Variants in LUZP2 observed in about 807,000 individuals in gnomAD.
LUZP2 encodes the protein leucine zipper protein 2.
LUZP2 carries 52 observed loss-of-function variants against 51.6 expected under a neutral mutation model. That is an observed-to-expected ratio of 1.01 (90% confidence interval 0.81 to 1.27). LUZP2 has a LOEUF of 1.27. Among genes scored for constraint, LUZP2 ranks in the 50% most tolerant of loss-of-function variants. The pLI, the probability that LUZP2 is intolerant of heterozygous loss-of-function variation, is 0.00. For synonymous variants in LUZP2, 154 were observed against 137.3 expected (o/e 1.12, Z -0.85); for missense variants, 436 against 395.4 (o/e 1.10, Z -0.87).
intron 5 of LUZP2, among the ~76,000 whole-genome samples, chr11:24,833,962 G>A (rs1353977709): frequency 6.6e-6 from 1 of 152,040 alleles, no homozygotes; most frequent in East Asian, 1.9e-4. Context: ...CCATAAAGAA[G>A]GAAAGCTCAT....
chr11:24,743,619 A>G (rs1474839138), intron 4 of LUZP2, among the ~76,000 whole-genome samples: 1 of 152,066 alleles, frequency 6.6e-6, no homozygotes, highest in Admixed American at 6.6e-5. Flanking sequence ...AAGGTAAATG[A>G]TAATATCATC....
At chr11:24,839,531 C>T (rs1386599928) in intron 5 of LUZP2, among the ~76,000 whole-genome samples, 1 of 151,592 alleles carries the variant, frequency 6.6e-6, no homozygotes, top group Non-Finnish European at 1.5e-5. Context: ...TACTTTAGTA[C>T]AATTCAATAT....
intron 5 of LUZP2, among the ~76,000 whole-genome samples, chr11:24,792,386 C>T (rs1037987341): frequency 1.3e-5 from 2 of 151,422 alleles, no homozygotes; most frequent in Admixed American, 6.6e-5. Context: ...AAGATTGCAC[C>T]ACTGCACTCC....
chr11:24,743,137 G>A (rs1334905375), intron 4 of LUZP2, among the ~76,000 whole-genome samples: 1 of 152,014 alleles, frequency 6.6e-6, no homozygotes, highest in Admixed American at 6.6e-5. Context: ...CTCCTGATTT[G>A]TTCTTTTTGC....
intron 1 of LUZP2, among the ~76,000 whole-genome samples, chr11:24,650,545 C>G (rs1022183724): frequency 1.3e-5 from 2 of 151,960 alleles, no homozygotes; most frequent in Non-Finnish European, 2.9e-5. Context: ...ATTGAAATGG[C>G]AGAAGCCAGC....
chr11:25,012,440 A>T (rs1253323599), intron 9 of LUZP2, among the ~76,000 whole-genome samples: 1 of 152,140 alleles, frequency 6.6e-6, no homozygotes, highest in Non-Finnish European at 1.5e-5. Flanking sequence ...ATTCTTTAGA[A>T]CTAGAAAGGT....
intron 10 of LUZP2, among the ~76,000 whole-genome samples, chr11:25,075,434 A>G (rs1859272005): frequency 6.6e-6 from 1 of 152,180 alleles, no homozygotes; most frequent in Admixed American, 6.6e-5. Context: ...TTCATGGCCA[A>G]TATTTTAAAA....
At chr11:24,608,201 A>C (rs1853999207) in intron 1 of LUZP2, among the ~76,000 whole-genome samples, 1 of 152,142 alleles carries the variant, frequency 6.6e-6, no homozygotes, top group African/African-American at 2.4e-5. Context: ...GAAAAAGTTT[A>C]ATAATCTCTG....
At chr11:25,030,270 G>T (rs1317358373) in intron 9 of LUZP2, among the ~76,000 whole-genome samples, 1 of 152,078 alleles carries the variant, frequency 6.6e-6, no homozygotes, top group African/African-American at 2.4e-5. Flanking sequence ...GTTACTGGTA[G>T]TTGTAGTTCA....
In LUZP2 at chr11:24,675,789, A is replaced by ATATTTATT. The variant is rs61265735; in HGVS notation, c.63-53342_63-53335dup. The stretch of plus-strand genomic sequence containing the variant: ...ATTAGTTTTCATATTTCTTTTTTTT[A>ATATTTATT]TATTTATTTATTTATTTATTTATTT... On this transcript the variant is annotated intron_variant, in intron 1 of 11. Transcript: ENST00000336930. 2.4e-3 allele frequency among the ~76,000 whole-genome samples: 328 copies of ATATTTATT among 136,818 alleles called. 3 individuals are homozygous for ATATTTATT. In the East Asian group the frequency reaches 0.03, roughly 12 times the overall value. 89.8% of individuals were successfully genotyped at this position (136,818 alleles called of 152,430 possible). A position where few individuals can be genotyped will look rare whatever the true frequency, so the allele number is the denominator to read the frequency against.
chr11:24,933,150 T>C (rs1854502002), intron 7 of LUZP2, among the ~76,000 whole-genome samples: 1 of 152,186 alleles, frequency 6.6e-6, no homozygotes, highest in South Asian at 2.1e-4. Context: ...CTTTCACACT[T>C]TCGGTGCTCA....
At chr11:24,572,697 A>G (rs185397184) in intron 1 of LUZP2, among the ~76,000 whole-genome samples, 3 of 152,146 alleles carry the variant, frequency 2.0e-5, no homozygotes, top group Admixed American at 2.0e-4. Flanking sequence ...TGCATCAGGG[A>G]TTTTGGATTA....
chr11:24,981,965 C>G (rs1279887865), intron 8 of LUZP2, among the ~76,000 whole-genome samples: 1 of 151,856 alleles, frequency 6.6e-6, no homozygotes, highest in East Asian at 1.9e-4. Context: ...TGAACAGACA[C>G]TTTTCAAAAG....
At chr11:24,719,224 A>T (rs994306807) in intron 1 of LUZP2, among the ~76,000 whole-genome samples, 1 of 152,252 alleles carries the variant, frequency 6.6e-6, no homozygotes, top group Non-Finnish European at 1.5e-5. Flanking sequence ...TTATATAAAC[A>T]TTCAAATAGT....
In LUZP2 at chr11:24,749,967, C is replaced by T. The variant is rs554482866; in HGVS notation, c.333+11665C>T. 1.4e-4 allele frequency among the ~76,000 whole-genome samples: 21 copies of T among 152,274 alleles called. No individual in the cohort carries two copies. In the South Asian group the frequency reaches 4.1e-3, roughly 30 times the overall value. Reference sequence around the variant, plus strand: ...CCTTGTGATCCTGTAAGCCAATTCTCCCTAATAAACTCCCTTTCATATATA... The same window carrying T: ...CCTTGTGATCCTGTAAGCCAATTCTTCCTAATAAACTCCCTTTCATATATA... On this transcript the variant is annotated intron_variant, in intron 4 of 11. Transcript: ENST00000336930.
chr11:24,617,181 A>G (rs1382921237), intron 1 of LUZP2, among the ~76,000 whole-genome samples: 2 of 151,472 alleles, frequency 1.3e-5, no homozygotes, highest in Non-Finnish European at 2.9e-5. Flanking sequence ...TGTTGTTTAG[A>G]TTGGATAATT....
chr11:24,820,299 A>C (rs1564937869), intron 5 of LUZP2, among the ~76,000 whole-genome samples: 1 of 152,298 alleles, frequency 6.6e-6, no homozygotes, highest in South Asian at 2.1e-4. Flanking sequence ...AGAGAAGAGC[A>C]TGTTTGACAC....
At chr11:25,021,711 A>G (rs538804654) in intron 9 of LUZP2, among the ~76,000 whole-genome samples, 15 of 152,136 alleles carry the variant, frequency 9.9e-5, no homozygotes, top group Admixed American at 6.6e-4. Flanking sequence ...TAGGAAGAGT[A>G]TCATGATCAG....
At chr11:24,531,786 C>T (rs1228732782) in intron 1 of LUZP2, among the ~76,000 whole-genome samples, 3 of 150,880 alleles carry the variant, frequency 2.0e-5, no homozygotes, top group African/African-American at 4.8e-5. Context: ...CCAAAATATG[C>T]AGCCATTTCA....
Sources: allele counts gnomAD v4.1 joint callset (sites outside exome capture counted in the v4.1 genomes callset), GRCh38; gene constraint gnomAD v4.1.1; transcripts MANE v1.5; gene names NCBI Gene and HGNC (gene_info 2026-07-23, HGNC 2026-07-21).